The following STAG1 variants were observed in gnomAD, a reference collection of about 807,000 sequenced individuals.
The protein encoded by STAG1 is cohesin subunit SA-1.
Under a neutral mutation model 170.9 loss-of-function variants are expected in STAG1, and 26 were observed. The observed-to-expected ratio is 0.15, with a 90% confidence interval of 0.11 to 0.21. The LOEUF is 0.21. Ranked by LOEUF, STAG1 falls within the 10% of genes least tolerant of loss-of-function variation. The probability of loss-of-function intolerance (pLI) is 1.00; values close to 1 mark genes in which losing one functional copy is unlikely to be tolerated. For missense variants in STAG1, 964 were observed against 1,509.5 expected (o/e 0.64, Z 5.99); for synonymous variants, 514 against 497.7 (o/e 1.03, Z -0.44).
intron 22 of STAG1, among the ~76,000 whole-genome samples, chr3:136,388,344 A>G (rs2086921219): frequency 6.6e-6 from 1 of 152,140 alleles, no homozygotes; most frequent in Non-Finnish European, 1.5e-5. Flanking sequence ...AAATGCTGGA[A>G]ACAGAAGAAC....
chr3:136,555,110 T>TTATAAATATATAAATATATAAATA (rs1553745002), intron 5 of STAG1, among the ~76,000 whole-genome samples: 2 of 147,836 alleles, frequency 1.4e-5, no homozygotes, highest in African/African-American at 4.9e-5. Context: ...AATATATATA[T>TTATAAATATATAAATATATAAATA]TATAAATATA....
intron 21 of STAG1, among the ~76,000 whole-genome samples, chr3:136,402,301 TC>T (rs2087351419): frequency 6.6e-6 from 1 of 151,656 alleles, no homozygotes; most frequent in African/African-American, 2.4e-5. Context: ...CACTGCAACC[TC>T]CTCCTCCCGG....
chr3:136,593,074 G>A (rs1357860610), intron 4 of STAG1, among the ~76,000 whole-genome samples: 1 of 152,152 alleles, frequency 6.6e-6, no homozygotes, highest in Non-Finnish European at 1.5e-5. Context: ...CTGCACTAGT[G>A]GGCCTTTAAA....
intron 1 of STAG1, among the ~76,000 whole-genome samples, chr3:136,722,779 T>C (rs1179046640): frequency 6.6e-6 from 1 of 151,916 alleles, no homozygotes; most frequent in Non-Finnish European, 1.5e-5. Flanking sequence ...CTCGGCTCAC[T>C]GCAGCCTCCC....
At chr3:136,496,038 G>T (rs1046566966) in intron 9 of STAG1, among the ~76,000 whole-genome samples, 1 of 151,782 alleles carries the variant, frequency 6.6e-6, no homozygotes, top group African/African-American at 2.4e-5. Context: ...CAGCTACTTG[G>T]GAGGCTGAGG....
At chr3:136,736,886 C>T (rs1211621343) in intron 1 of STAG1, 15 of 1,584,778 alleles carry the variant, frequency 9.5e-6, no homozygotes, top group Non-Finnish European at 1.3e-5. Flanking sequence ...GCCTGAATTA[C>T]ATCCAGGGTC....
chr3:136,727,310 T>C (rs187266179), intron 1 of STAG1, among the ~76,000 whole-genome samples: 75 of 152,250 alleles, frequency 4.9e-4, no homozygotes, highest in Non-Finnish European at 3.2e-4. Flanking sequence ...TTTATGATCA[T>C]TTCCCCTTGA....
intron 13 of STAG1, among the ~76,000 whole-genome samples, chr3:136,462,203 A>G (rs748163802): frequency 2.7e-4 from 41 of 152,178 alleles, no homozygotes; most frequent in Non-Finnish European, 4.6e-4. Context: ...GTATATATCT[A>G]CAAGAAAAAA....
intron 1 of STAG1, among the ~76,000 whole-genome samples, chr3:136,698,162 T>A (rs748361232): frequency 3.3e-5 from 5 of 151,942 alleles, no homozygotes; most frequent in African/African-American, 7.3e-5. Context: ...TAAAAATAAA[T>A]GGGACCTAAT....
rs372872259 is a variant in STAG1, at chr3:136,741,311, C to T, written c.-84+10884G>A. Among the ~76,000 whole-genome samples the T allele has an allele frequency of 3.3e-5, 5 of 152,354 alleles. No homozygotes were observed. The East Asian group carries it at 9.6e-4, about 29-fold the overall frequency. ...CATCGTTCTTCATCTATGACCAAGTCATTTCAATGACTTCTACCATAAGCC... is the reference window on the plus strand; with the variant it reads ...CATCGTTCTTCATCTATGACCAAGTTATTTCAATGACTTCTACCATAAGCC... On this transcript the variant is annotated intron_variant, in intron 1 of 33. Coordinates refer to ENST00000383202, the MANE Select transcript of STAG1 (RefSeq NM_005862.3).
chr3:136,738,277 G>C (rs1243536542), intron 1 of STAG1, among the ~76,000 whole-genome samples: 1 of 151,834 alleles, frequency 6.6e-6, no homozygotes, highest in African/African-American at 2.4e-5. Flanking sequence ...GATCACCTGA[G>C]GTCGGGAGTT....
intron 1 of STAG1, among the ~76,000 whole-genome samples, chr3:136,674,873 C>A (rs1942085535): frequency 2.0e-5 from 3 of 152,068 alleles, no homozygotes; most frequent in Admixed American, 6.5e-5. Context: ...CTACAGCCAG[C>A]CCTGAACATG....
chr3:136,428,854 G>A (rs1299406443), intron 16 of STAG1, among the ~76,000 whole-genome samples: 7 of 152,204 alleles, frequency 4.6e-5, no homozygotes, highest in Non-Finnish European at 7.3e-5. Context: ...ATAGACACCA[G>A]CCAGGAATGA....
chr3:136,635,201 T>C (rs1408865577), intron 1 of STAG1, among the ~76,000 whole-genome samples: 4 of 152,144 alleles, frequency 2.6e-5, no homozygotes, highest in South Asian at 2.1e-4. Flanking sequence ...CTAATAAACA[T>C]ATATGTGAAA....
At chr3:136,524,825 A>C (rs1231747726) in intron 6 of STAG1, among the ~76,000 whole-genome samples, 3 of 152,214 alleles carry the variant, frequency 2.0e-5, no homozygotes, top group Non-Finnish European at 2.9e-5. Context: ...ATTTTGTCAA[A>C]GGCCTTTTCA....
chr3:136,661,085 A>T (rs1941563146), intron 1 of STAG1, among the ~76,000 whole-genome samples: 1 of 152,218 alleles, frequency 6.6e-6, no homozygotes, highest in Non-Finnish European at 1.5e-5. Flanking sequence ...TGACTAAGTG[A>T]ACAGGCTAGC....
chr3:136,580,244 G>C (rs544958213), intron 4 of STAG1, among the ~76,000 whole-genome samples: 1 of 151,974 alleles, frequency 6.6e-6, no homozygotes, highest in Non-Finnish European at 1.5e-5. Flanking sequence ...TGGGATTACA[G>C]GCATGAGCCA....
intron 1 of STAG1, among the ~76,000 whole-genome samples, chr3:136,725,278 G>GT (rs1933594710): frequency 7.1e-6 from 1 of 140,204 alleles, no homozygotes; most frequent in African/African-American, 2.7e-5. Flanking sequence ...AAAATTATAC[G>GT]GGTGTGTGTG....
intron 8 of STAG1, among the ~76,000 whole-genome samples, chr3:136,502,119 G>T (rs974362919): frequency 6.6e-6 from 1 of 151,932 alleles, no homozygotes; most frequent in Non-Finnish European, 1.5e-5. Flanking sequence ...TGGAGGTTGC[G>T]GTGAGTTGAG....
Sources: gnomAD v4.1 joint callset for allele counts (sites outside exome capture counted in the v4.1 genomes callset) on GRCh38, gnomAD v4.1.1 for gene constraint, MANE v1.5 for transcripts, NCBI Gene and HGNC (gene_info 2026-07-23, HGNC 2026-07-21) for gene names.